Variants in ACOXL observed in about 807,000 individuals in gnomAD.
ACOXL encodes the protein acyl-CoA oxidase like, also known as acyl-coenzyme A oxidase-like protein.
Under a neutral mutation model 71.9 loss-of-function variants are expected in ACOXL, and 70 were observed. The ratio of observed to expected loss-of-function variants is 0.97; its 90% CI spans 0.80 to 1.19. The LOEUF (loss-of-function observed/expected upper bound fraction) is 1.19. Among genes scored for constraint, ACOXL ranks in the 50% most tolerant of loss-of-function variants. ACOXL has a pLI of 0.00. For synonymous variants in ACOXL, 253 were observed against 281.6 expected (o/e 0.90, Z 1.02); for missense variants, 703 against 736.3 (o/e 0.95, Z 0.52).
intron 2 of ACOXL, among the ~76,000 whole-genome samples, chr2:110,775,619 G>A (rs1199899229): frequency 6.6e-6 from 1 of 151,972 alleles, no homozygotes; most frequent in African/African-American, 2.4e-5. Flanking sequence ...ATAAACAAAT[G>A]GCCAATAAAC....
At position 110,968,291 on chromosome 2, in the gene ACOXL, C is replaced by G. The variant is rs1431794339; in HGVS notation, c.1060-18817C>G. 1.3e-5 allele frequency: 16 copies of G among 1,194,330 alleles called. No homozygotes were observed. The East Asian group carries it at 1.6e-4, about 12-fold the overall frequency. 74.0% of individuals were successfully genotyped at this position (1,194,330 alleles called of 1,614,324 possible). On this transcript the variant is annotated intron_variant, in intron 12 of 17. Coordinates refer to ENST00000439055, the MANE Select transcript of ACOXL (RefSeq NM_001142807.4). ...TATTTGGATGCAGGCCTTGCCAGAA[C>G]TACCACTGGCAATAAATTTTTTGGC... is the stretch of plus-strand genomic sequence containing the variant.
intron 1 of ACOXL, among the ~76,000 whole-genome samples, chr2:110,748,185 A>C (rs1035988225): frequency 6.6e-6 from 1 of 152,156 alleles, no homozygotes; most frequent in Non-Finnish European, 1.5e-5. Context: ...GAGCTCTCTG[A>C]GGAGAGGAAT....
intron 10 of ACOXL, among the ~76,000 whole-genome samples, chr2:110,870,834 G>T (rs1407854101): frequency 6.6e-6 from 1 of 152,156 alleles, no homozygotes; most frequent in Non-Finnish European, 1.5e-5. Flanking sequence ...AAATGGTGGG[G>T]GGAGGAACCC....
chr2:110,771,658 A>T (rs1484836940), intron 2 of ACOXL, among the ~76,000 whole-genome samples: 1 of 152,240 alleles, frequency 6.6e-6, no homozygotes, highest in Admixed American at 6.5e-5. Context: ...TATGAGTCTG[A>T]TTGCAGAGTG....
Position 110,887,149 on chromosome 2 carries a change from G to A in ACOXL, c.789-21640G>A, listed in dbSNP as rs547782189. 3.6e-5 allele frequency: 12 copies of A among 334,348 alleles called. 1 individual carries two copies. The highest frequency in any genetic ancestry group is 1.7e-3 in the Middle Eastern group (2 of 1,148). 20.7% of individuals were successfully genotyped at this position (334,348 alleles called of 1,614,324 possible). ...ATCTGAAAGTGAAATCATTGACTCC[G>A]TTACCATGTTCTGAATTCCCAGATC... On this transcript the variant is annotated intron_variant, in intron 10 of 17. Coordinates refer to ENST00000439055, the MANE Select transcript of ACOXL (RefSeq NM_001142807.4).
chr2:110,745,582 C>T (rs1046480633), intron 1 of ACOXL, among the ~76,000 whole-genome samples: 4 of 152,228 alleles, frequency 2.6e-5, no homozygotes, highest in African/African-American at 4.8e-5. Context: ...GCCCGGGAAG[C>T]CACAGGTCAG....
intron 12 of ACOXL, among the ~76,000 whole-genome samples, chr2:110,938,802 G>C (rs190828852): frequency 2.5e-4 from 38 of 151,582 alleles, no homozygotes; most frequent in Admixed American, 1.2e-3. Flanking sequence ...TGGCCCCCTT[G>C]ATCTTTTCTT....
chr2:110,964,850 T>G (rs1209279936), intron 12 of ACOXL, among the ~76,000 whole-genome samples: 1 of 152,212 alleles, frequency 6.6e-6, no homozygotes, highest in African/African-American at 2.4e-5. Context: ...TTTTGTGTAT[T>G]TTGCAATATG....
At chr2:111,008,215 G>A (rs924860248) in intron 14 of ACOXL, among the ~76,000 whole-genome samples, 4 of 152,016 alleles carry the variant, frequency 2.6e-5, no homozygotes, top group African/African-American at 7.3e-5. Flanking sequence ...TTTACTTTGG[G>A]TTTCCTCTAT....
At chr2:110,755,031 A>ATCTC (rs768618592) in intron 1 of ACOXL, among the ~76,000 whole-genome samples, 1 of 151,284 alleles carries the variant, frequency 6.6e-6, no homozygotes, top group East Asian at 1.9e-4. Flanking sequence ...TCCTAGAGAG[A>ATCTC]TCTCTCTCTC....
chr2:110,879,014 G>A (rs1234129404), intron 10 of ACOXL, among the ~76,000 whole-genome samples: 1 of 150,272 alleles, frequency 6.7e-6, no homozygotes, highest in African/African-American at 2.5e-5. Context: ...CTGAGATCAC[G>A]CCACTACCCT....
At chr2:110,911,588 G>A (rs1016686333) in intron 11 of ACOXL, among the ~76,000 whole-genome samples, 23 of 152,054 alleles carry the variant, frequency 1.5e-4, no homozygotes, top group African/African-American at 5.5e-4. Context: ...ATACTACACT[G>A]TGTTAATAGA....
chr2:110,787,235 T>C (rs1425880255), intron 3 of ACOXL, among the ~76,000 whole-genome samples: 6 of 152,292 alleles, frequency 3.9e-5, no homozygotes, highest in African/African-American at 1.4e-4. Flanking sequence ...GAAAATGTCC[T>C]TTGAAATACT....
At chr2:110,813,409 C>T (rs1030620595) in intron 9 of ACOXL, among the ~76,000 whole-genome samples, 2 of 152,154 alleles carry the variant, frequency 1.3e-5, no homozygotes, top group Admixed American at 6.5e-5. Context: ...CCCAGCCAGG[C>T]CTCTGCTTGG....
intron 12 of ACOXL, among the ~76,000 whole-genome samples, chr2:110,963,086 G>A (rs1199749684): frequency 6.6e-6 from 1 of 152,064 alleles, no homozygotes; most frequent in African/African-American, 2.4e-5. Context: ...AGGATTTCAG[G>A]AAGTAAAAGG....
chr2:110,944,504 C>T (rs1182405384), intron 12 of ACOXL, among the ~76,000 whole-genome samples: 1 of 152,170 alleles, frequency 6.6e-6, no homozygotes, highest in Non-Finnish European at 1.5e-5. Context: ...TCACCTCCTC[C>T]CATCCTCAAG....
intron 10 of ACOXL, among the ~76,000 whole-genome samples, chr2:110,894,056 G>C (rs2058902117): frequency 6.6e-6 from 1 of 151,956 alleles, no homozygotes; most frequent in Non-Finnish European, 1.5e-5. Context: ...TCACACTTCT[G>C]CCAGGTGAAC....
intron 9 of ACOXL, among the ~76,000 whole-genome samples, chr2:110,815,411 T>C (rs1225331968): frequency 6.6e-6 from 1 of 152,240 alleles, no homozygotes. Flanking sequence ...CATATTCTCC[T>C]TTGTTAATTT....
Position 110,805,290 on chromosome 2 carries a change from G to T in ACOXL, c.648G>T (p.Gln216His), listed in dbSNP as rs753349384. 3 of 1,614,110 alleles carry T rather than the reference G, an allele frequency of 1.9e-6. No homozygotes were observed. In the Admixed American group the frequency reaches 5.0e-5, roughly 27 times the overall value. ...DKFGSVAPDG[Q>H]YHSPIRNKSA... Reference sequence around the variant, plus strand: ...TTGGTTCCGTGGCTCCAGATGGACAGTACCATTCGCCTATTAGGAACAAGA... The same window carrying T: ...TTGGTTCCGTGGCTCCAGATGGACATTACCATTCGCCTATTAGGAACAAGA... Residue 216 changes from glutamine to histidine, a missense_variant, in exon 9 of 18, where the codon CAG (glutamine) becomes CAT (histidine). Coordinates refer to ENST00000439055, the MANE Select transcript of ACOXL (RefSeq NM_001142807.4).
Sources: allele counts gnomAD v4.1 joint callset (sites outside exome capture counted in the v4.1 genomes callset), GRCh38; gene constraint gnomAD v4.1.1; transcripts MANE v1.5; gene names NCBI Gene and HGNC (gene_info 2026-07-23, HGNC 2026-07-21).